The following CCDC146 variants were observed in gnomAD, a reference collection of about 807,000 sequenced individuals.
CCDC146 encodes the protein coiled-coil domain containing 146, also known as coiled-coil domain-containing protein 146.
Under a neutral mutation model 119.3 loss-of-function variants are expected in CCDC146, and 92 were observed. That is an observed-to-expected ratio of 0.77 (90% CI 0.65 to 0.92). The LOEUF (loss-of-function observed/expected upper bound fraction) is 0.92, where lower values mean the gene tolerates loss of function less well. Ranked by LOEUF, CCDC146 falls within the 40% of genes least tolerant of loss-of-function variation. CCDC146 has a pLI of 0.00. For missense variants in CCDC146, 1,000 were observed against 1,103.0 expected, an observed-to-expected ratio of 0.91 and a Z score of 1.32; for synonymous variants, 372 against 371.8, an observed-to-expected ratio of 1.00 and a Z score of -0.01.
Position 77,286,907 on chromosome 7 carries a change from T to C in CCDC146, c.2258T>C (p.Met753Thr). The C allele has an allele frequency of 6.2e-7, 1 of 1,614,070 alleles. No homozygotes were observed. Among genetic ancestry groups the C allele is most frequent in the Admixed American group, 1.7e-5 (1 of 60,008 alleles). ...LPGKDLTEKEMIQKLDKLELQ... is the reference protein window; with the variant it reads ...LPGKDLTEKETIQKLDKLELQ... Reference sequence around the variant, plus strand: ...GGGAAAGATCTGACCGAAAAAGAAATGATCCAAAAATTAGACAAGGTAAAC... The same window carrying C: ...GGGAAAGATCTGACCGAAAAAGAAACGATCCAAAAATTAGACAAGGTAAAC... Residue 753 changes from methionine to threonine, a missense_variant, in exon 16 of 19, where the codon ATG (methionine) becomes ACG (threonine). Physicochemically the swap from Met to Thr is moderately conservative, Grantham distance 81. Coordinates refer to ENST00000285871, the MANE Select transcript of CCDC146 (RefSeq NM_020879.3).
chr7:77,233,620 G>C (rs1041549268), intron 2 of CCDC146, among the ~76,000 whole-genome samples: 1 of 152,152 alleles, frequency 6.6e-6, no homozygotes, highest in Non-Finnish European at 1.5e-5. Context: ...AGATCATCAG[G>C]CATTACATTC....
At chr7:77,218,421 G>T (rs1207373869) in intron 2 of CCDC146, among the ~76,000 whole-genome samples, 1 of 151,850 alleles carries the variant, frequency 6.6e-6, no homozygotes, top group Non-Finnish European at 1.5e-5. Flanking sequence ...TAGTTGTCTT[G>T]GTATGTGTGC....
intron 2 of CCDC146, among the ~76,000 whole-genome samples, chr7:77,227,348 T>C (rs1041255519): frequency 2.0e-5 from 3 of 152,190 alleles, no homozygotes; most frequent in East Asian, 1.9e-4. Context: ...CTCTGTCGCC[T>C]AGGCTGGAGT....
intron 2 of CCDC146, among the ~76,000 whole-genome samples, chr7:77,223,835 T>TG (rs200498245): frequency 0.01 from 1,536 of 152,248 alleles, 28 homozygotes; most frequent in African/African-American, 0.034. Context: ...CACAGTCTAA[T>TG]GGGGGGGTAA....
chr7:77,260,326 T>C (rs907319966), intron 8 of CCDC146, 90 bp downstream of exon 8: 4 of 830,794 alleles, frequency 4.8e-6, no homozygotes, highest in Non-Finnish European at 7.3e-6. Flanking sequence ...TGGTGTTGAG[T>C]TAATAAATAT....
At chr7:77,278,712 A>C (rs201370365) in intron 11 of CCDC146, 40 bp from the exon 12 acceptor site, 1 of 1,369,182 alleles carries the variant, frequency 7.3e-7, no homozygotes, top group Non-Finnish European at 1.0e-6. Flanking sequence ...GGGAGTGTTC[A>C]TATGTTGTTA....
In CCDC146 at chr7:77,137,750, A is replaced by G. The variant is rs565276056; in HGVS notation, c.-12+15018A>G. 1.2e-4 allele frequency among the ~76,000 whole-genome samples: 18 copies of G among 152,176 alleles called. No homozygotes were observed. The South Asian group carries it at 3.7e-3, about 32-fold the overall frequency. On this transcript the variant is annotated intron_variant, in intron 1 of 18. Transcript: ENST00000285871. ...TTGTGGATATCAACAAACTTATCCTAAAGTTTATTTGAAGAGGCAAAACAC... is the reference window on the plus strand; with the variant it reads ...TTGTGGATATCAACAAACTTATCCTGAAGTTTATTTGAAGAGGCAAAACAC...
chr7:77,215,975 G>T (rs1792294869), intron 2 of CCDC146, among the ~76,000 whole-genome samples: 1 of 151,864 alleles, frequency 6.6e-6, no homozygotes, highest in Non-Finnish European at 1.5e-5. Flanking sequence ...TATATTTAAA[G>T]AATTCTAGCT....
chr7:77,237,107 C>A, intron 3 of CCDC146, 78 bp downstream of exon 3: 1 of 1,168,784 alleles, frequency 8.6e-7, no homozygotes, highest in Non-Finnish European at 1.3e-6. Context: ...TCTTCATTTG[C>A]ATTCCCCCAT....
At chr7:77,249,443 G>A (rs563973042) in intron 4 of CCDC146, among the ~76,000 whole-genome samples, 16 of 141,500 alleles carry the variant, frequency 1.1e-4, no homozygotes, top group African/African-American at 4.3e-4. Context: ...AGCCGAGATC[G>A]CACCACTGCA....
At chr7:77,127,729 T>A (rs1472491060) in intron 1 of CCDC146, among the ~76,000 whole-genome samples, 2 of 152,122 alleles carry the variant, frequency 1.3e-5, no homozygotes, top group African/African-American at 4.8e-5. Context: ...TTTATAAACC[T>A]TCAGCGTTTC....
At chr7:77,185,298 A>C (rs1471229570) in intron 2 of CCDC146, among the ~76,000 whole-genome samples, 3 of 152,208 alleles carry the variant, frequency 2.0e-5, no homozygotes, top group Non-Finnish European at 2.9e-5. Flanking sequence ...TCACTGAAAA[A>C]AATATATTAC....
chr7:77,280,684 G>A (rs1165029241), intron 14 of CCDC146, 31 bp downstream of exon 14: 1 of 1,459,884 alleles, frequency 6.8e-7, no homozygotes, highest in East Asian at 2.4e-5. Context: ...CAGAGCACCA[G>A]GGATCCAACT....
At chr7:77,286,763 C>T (rs374560626) in intron 15 of CCDC146, 35 bp from the exon 16 acceptor site, 140 of 1,605,240 alleles carry the variant, frequency 8.7e-5, no homozygotes, top group South Asian at 3.2e-4. Flanking sequence ...TGAGCTAGAG[C>T]GTTCATTTTA....
intron 6 of CCDC146, among the ~76,000 whole-genome samples, chr7:77,258,371 G>A (rs1005797444): frequency 6.6e-6 from 1 of 152,164 alleles, no homozygotes; most frequent in Non-Finnish European, 1.5e-5. Flanking sequence ...GACGGGCCCT[G>A]GCTTATGATG....
intron 17 of CCDC146, among the ~76,000 whole-genome samples, chr7:77,290,572 G>A (rs1358694594): frequency 6.6e-6 from 1 of 152,316 alleles, no homozygotes; most frequent in South Asian, 2.1e-4. Flanking sequence ...TGAGTTAAAA[G>A]TTGTGAATTG....
chr7:77,200,210 TTAC>T (rs1791962138), intron 2 of CCDC146, among the ~76,000 whole-genome samples: 1 of 152,190 alleles, frequency 6.6e-6, no homozygotes, highest in Admixed American at 6.5e-5. Flanking sequence ...AACAGAAACG[TTAC>T]TAAAATGAAA....
intron 2 of CCDC146, chr7:77,199,978 T>G (rs1791956984): frequency 1.7e-6 from 1 of 577,522 alleles, no homozygotes; most frequent in African/African-American, 1.9e-5. Flanking sequence ...AAACTGTAAC[T>G]TACTCTCAAT....
At position 77,196,876 on chromosome 7, in the gene CCDC146, G is replaced by A; in HGVS notation, c.156+29052G>A. 6.2e-7 allele frequency: 1 copy of A among 1,613,902 alleles called. No individual in the cohort carries two copies. The highest frequency in any genetic ancestry group is 8.5e-7 in the Non-Finnish European group (1 of 1,179,958). On this transcript the variant is annotated intron_variant, in intron 2 of 18. Coordinates refer to ENST00000285871, the MANE Select transcript of CCDC146 (RefSeq NM_020879.3). This position sits in a 1 kb window ranked among gnomAD's most constrained non-coding sequence, Gnocchi z 4.2. ...CTCCCCCCATGGTCTCCATGTCACA[G>A]TAAACTTCAAAGCTACTATTTTTGG...
Sources: gnomAD v4.1 joint callset for allele counts (sites outside exome capture counted in the v4.1 genomes callset) on GRCh38, gnomAD v4.1.1 for gene constraint, Gnocchi (gnomAD v3.1) non-coding constraint, MANE v1.5 for transcripts, NCBI Gene and HGNC (gene_info 2026-07-23, HGNC 2026-07-21) for gene names.